The following AMER1 variants were observed in gnomAD, a reference collection of about 807,000 sequenced individuals.
The protein encoded by AMER1 is RP11-403E24.2.
In AMER1, 16 loss-of-function variants were observed where a neutral mutation model predicts 53.0. The ratio of observed to expected loss-of-function variants is 0.30; its 90% CI spans 0.20 to 0.46. The LOEUF (loss-of-function observed/expected upper bound fraction) is 0.46, where lower values mean the gene tolerates loss of function less well. AMER1 is among the 20% of genes least tolerant of loss of function. AMER1 has a pLI of 1.00. For synonymous variants in AMER1, 354 were observed against 331.9 expected (o/e 1.07, Z -0.73); for missense variants, 947 against 884.9 (o/e 1.07, Z -0.89).
rs1569191300 is a variant in AMER1, at chrX:64,190,148, T to C, written c.3139A>G (p.Arg1047Gly). 8.3e-7 allele frequency: 1 copy of C among 1,208,728 alleles called. No homozygotes were observed. The highest frequency in any genetic ancestry group is 3.0e-5 in the East Asian group (1 of 33,756). ...ACAGGCAGCAGCACATCTCGAGGCC[T>C]GGCCCTCATGCTCTGGGAGGCCTGT... is the stretch of plus-strand genomic sequence containing the variant. ...QPQASQSMRA[R>G]PRDVLLPVDE... Residue 1047 changes from arginine (R) to glycine (G), a missense_variant, in exon 2 of 2, where the codon AGG becomes GGG. By Grantham distance (125) the Arg-to-Gly change is moderately radical. Transcript: ENST00000374869.
In AMER1 at chrX:64,189,793, A is replaced by ACGGGGGCCCGCCC; in HGVS notation, c.*85_*86insGGGCGGGCCCCCG. On this transcript the variant is annotated 3_prime_UTR_variant, in exon 2 of 2. Transcript: ENST00000374869. ...CAAAGGGTTTTCAAGTTAAACAACA[A>ACGGGGGCCCGCCC]CCCCCACCCCCCCACCCTTCTGCCC... 3.4e-6 allele frequency: 1 copy of ACGGGGGCCCGCCC among 292,074 alleles called. No individual in the cohort carries two copies. The highest frequency in any genetic ancestry group is 4.9e-6 in the Non-Finnish European group (1 of 204,832). The allele number at this position is 292,074 out of a possible 1,213,427, so 24.1% of individuals were successfully genotyped here. A position where few individuals can be genotyped will look rare whatever the true frequency, so the allele number is the denominator to read the frequency against.
Position 64,188,903 on chromosome X carries a change from C to A in AMER1, c.*976G>T, listed in dbSNP as rs1930162547. ...CTTGTGATGAGATTATGAAAATTTC[C>A]TTTAGAGGAAAAAAGAACAAAAATT... On this transcript the variant is annotated 3_prime_UTR_variant, in exon 2 of 2. Coordinates refer to ENST00000374869, the MANE Select transcript of AMER1 (RefSeq NM_152424.4). 1.2e-6 allele frequency: 1 copy of A among 805,177 alleles called. No individual in the cohort carries two copies. Among genetic ancestry groups the A allele is most frequent in the Non-Finnish European group, 1.5e-6 (1 of 671,676 alleles). The allele number at this position is 805,177 out of a possible 1,213,427, so 66.4% of individuals were successfully genotyped here. A position where few individuals can be genotyped will look rare whatever the true frequency, so the allele number is the denominator to read the frequency against.
Position 64,186,262 on chromosome X carries a change from G to C in AMER1, c.*3617C>G. ...GAAAGAGGGAGGGCCCTAGGCAGTT[G>C]AGATGCCAGCCCTCTGCACAAGCAG... On this transcript the variant is annotated 3_prime_UTR_variant, in exon 2 of 2. Transcript: ENST00000374869. 1 of 1,126,014 alleles carries C rather than the reference G, an allele frequency of 8.9e-7. No individual in the cohort carries two copies. Among genetic ancestry groups the C allele is most frequent in the East Asian group, 3.1e-5 (1 of 31,763 alleles). The allele number at this position is 1,126,014 out of a possible 1,213,427, so 92.8% of individuals were successfully genotyped here.
At position 64,189,628 on chromosome X, in the gene AMER1, A is replaced by C. The variant is rs1930195083; in HGVS notation, c.*251T>G. On this transcript the variant is annotated 3_prime_UTR_variant, in exon 2 of 2. Coordinates refer to ENST00000374869, the MANE Select transcript of AMER1 (RefSeq NM_152424.4). ...CAAACCCAGCGTGGGTCACAAGAAG[A>C]AACCTCGAAAGCAAAAACTGGAGTG... The C allele has an allele frequency of 1.0e-6, 1 of 971,400 alleles. No individual in the cohort carries two copies. The highest frequency in any genetic ancestry group is 4.9e-5 in the Admixed American group (1 of 20,331). The allele number at this position is 971,400 out of a possible 1,213,427, so 80.1% of individuals were successfully genotyped here.
Position 64,188,547 on chromosome X carries a change from G to A in AMER1, c.*1332C>T. 2 of 804,103 alleles carry A rather than the reference G, an allele frequency of 2.5e-6. No homozygotes were observed. Among genetic ancestry groups the A allele is most frequent in the Non-Finnish European group, 3.0e-6 (2 of 669,972 alleles). 66.3% of individuals were successfully genotyped at this position (804,103 alleles called of 1,213,427 possible). On this transcript the variant is annotated 3_prime_UTR_variant, in exon 2 of 2. Transcript: ENST00000374869. The stretch of plus-strand genomic sequence containing the variant: ...GGACTCGGCTAATTGGAAGATAAAA[G>A]CTCTTTAAAGGGCCCAGAACAGCAG...
At chrX:64,201,706 G>A (rs1224656724) in intron 1 of AMER1, among the ~76,000 whole-genome samples, 2 of 112,292 alleles carry the variant, frequency 1.8e-5, no homozygotes, top group Non-Finnish European at 3.8e-5. Context: ...TAGCCTATCT[G>A]TTAAGCAAGG....
chrX:64,190,670 A>G lies in AMER1; in HGVS notation c.2617T>C (p.Leu873=), dbSNP rs1458489008. The change falls in exon 2 of 2, where the codon TTG becomes CTG. Residue 873 remains leucine (L), a synonymous_variant. Transcript: ENST00000374869. ...CGAGGGTGCAGGCCAGGCAGTCCCAAGTATCGAGGGAGGCTGCTCACACCC... is the reference window on the plus strand; with the variant it reads ...CGAGGGTGCAGGCCAGGCAGTCCCAGGTATCGAGGGAGGCTGCTCACACCC... The part of the protein sequence containing the change: ...PWGVSSLPRY[L]GLPGLHPRPP... 1.5e-5 allele frequency: 18 copies of G among 1,209,767 alleles called. No individual in the cohort carries two copies. The highest frequency in any genetic ancestry group is 2.2e-5 in the Admixed American group (1 of 45,785).
In AMER1 at chrX:64,188,680, T is replaced by A; in HGVS notation, c.*1199A>T. On this transcript the variant is annotated 3_prime_UTR_variant, in exon 2 of 2. Transcript: ENST00000374869. Reference sequence around the variant, plus strand: ...TAAGGAACATTTTGTGTTGGGAGGCTTGAGAAGGGAGTTTTCCCTTTTAAG... The same window carrying A: ...TAAGGAACATTTTGTGTTGGGAGGCATGAGAAGGGAGTTTTCCCTTTTAAG... The A allele has an allele frequency of 2.5e-6, 2 of 800,137 alleles. No homozygotes were observed. Among genetic ancestry groups the A allele is most frequent in the Non-Finnish European group, 3.0e-6 (2 of 667,457 alleles). The allele number at this position is 800,137 out of a possible 1,213,427, so 65.9% of individuals were successfully genotyped here.
rs143210136 is a variant in AMER1, at chrX:64,193,002, G to T, written c.285C>A (p.Thr95=). Residue 95 remains threonine (T), a synonymous_variant, in exon 2 of 2, where the codon ACC becomes ACA. Transcript: ENST00000374869. ...SSKKGLSKSK[T]HDGLSEAAHG... is the part of the protein sequence containing the mutation. ...GGGCTGCTTCACTCAGGCCATCGTG[G>T]GTCTTGCTCTTGCTGAGACCTTTCT... is the stretch of plus-strand genomic sequence containing the variant. 8.3e-7 allele frequency: 1 copy of T among 1,211,740 alleles called. No individual in the cohort carries two copies. The highest frequency in any genetic ancestry group is 3.0e-5 in the East Asian group (1 of 33,844).
rs1208697915 is a variant in AMER1 at position 64,189,533 on chromosome X, TATATA to T, written c.*341_*345del. 4.1e-5 allele frequency: 4 copies of T among 98,653 alleles called. No homozygotes were observed. Among genetic ancestry groups the T allele is most frequent in the African/African-American group, 2.3e-4 (2 of 8,749 alleles). The allele number at this position is 98,653 out of a possible 1,213,427, so 8.1% of individuals were successfully genotyped here. A position where few individuals can be genotyped will look rare whatever the true frequency, so the allele number is the denominator to read the frequency against. On this transcript the variant is annotated 3_prime_UTR_variant, in exon 2 of 2. Coordinates refer to ENST00000374869, the MANE Select transcript of AMER1 (RefSeq NM_152424.4). Reference sequence around the variant, plus strand: ...GTGTGTGTATATATATATATATATATATATATATATATATATATATATATAATCAC... The same window carrying T: ...GTGTGTGTATATATATATATATATATTATATATATATATATATATAATCAC...
chrX:64,194,190 T>C (rs892937256), intron 1 of AMER1, among the ~76,000 whole-genome samples: 2 of 111,552 alleles, frequency 1.8e-5, no homozygotes, highest in African/African-American at 3.3e-5. Flanking sequence ...GCTGGGAAGA[T>C]ACTTTAATGC....
chrX:64,201,448 AACACACACACACACAC>A (rs532857666), intron 1 of AMER1, among the ~76,000 whole-genome samples: 13 of 83,132 alleles, frequency 1.6e-4, no homozygotes, highest in Admixed American at 1.4e-3. Flanking sequence ...TCCTTCCCCC[AACACACACACACACAC>A]ACACACACAC....
intron 1 of AMER1, among the ~76,000 whole-genome samples, chrX:64,205,149 AC>A (rs1198895028): frequency 2.6e-5 from 3 of 113,758 alleles, no homozygotes; most frequent in African/African-American, 9.5e-5. Flanking sequence ...GGTGAGCGGT[AC>A]CCGCGTTACA....
At position 64,191,056 on chromosome X, in the gene AMER1, G is replaced by A. The variant is rs189503587; in HGVS notation, c.2231C>T (p.Ala744Val). Residue 744 changes from alanine to valine, a missense_variant, in exon 2 of 2, where the codon GCC becomes GTC. Physicochemically the swap from Ala to Val is moderately conservative, Grantham distance 64. Transcript: ENST00000374869. ...TTCAGGGGGTGAATAAGTAGGGTAG[G>A]CCCTCCTGGGAGATCCTCCAAAATT... ...EANFGGSPRR[A>V]YPTYSPPEDP... The A allele has an allele frequency of 1.7e-6, 2 of 1,210,580 alleles. No individual in the cohort carries two copies. Among genetic ancestry groups the A allele is most frequent in the African/African-American group, 1.7e-5 (1 of 57,411 alleles).
intron 1 of AMER1, among the ~76,000 whole-genome samples, chrX:64,194,971 A>G (rs1427217401): frequency 8.9e-6 from 1 of 112,174 alleles, no homozygotes; most frequent in African/African-American, 3.2e-5. Context: ...TTGGAGCAAG[A>G]TAACAGCTGG....
rs745716437 is a variant in AMER1, at chrX:64,198,215, G to C, written c.-98-4831C>G. Among the ~76,000 whole-genome samples, 76 of 112,336 alleles carry C rather than the reference G, an allele frequency of 6.8e-4. 1 individual carries two copies. The highest frequency in any genetic ancestry group is 5.5e-3 in the South Asian group (15 of 2,712). On this transcript the variant is annotated intron_variant, in intron 1 of 1. Transcript: ENST00000374869. ...TGGCTAGCAGCCAAGGATTATCTGG[G>C]ACTTTCAACTAGCCAGGTTCTCTAG... is the stretch of plus-strand genomic sequence containing the variant.
In AMER1 at chrX:64,186,272, C is replaced by G; in HGVS notation, c.*3607G>C. 9.2e-7 allele frequency: 1 copy of G among 1,084,882 alleles called. No individual in the cohort carries two copies. Among genetic ancestry groups the G allele is most frequent in the Middle Eastern group, 2.8e-4 (1 of 3,593 alleles). The allele number at this position is 1,084,882 out of a possible 1,213,427, so 89.4% of individuals were successfully genotyped here. A position where few individuals can be genotyped will look rare whatever the true frequency, so the allele number is the denominator to read the frequency against. On this transcript the variant is annotated 3_prime_UTR_variant, in exon 2 of 2. Transcript: ENST00000374869. Reference sequence around the variant, plus strand: ...GGGCCCTAGGCAGTTGAGATGCCAGCCCTCTGCACAAGCAGCAGCAATTTT... The same window carrying G: ...GGGCCCTAGGCAGTTGAGATGCCAGGCCTCTGCACAAGCAGCAGCAATTTT...
In AMER1 at chrX:64,186,147, G is replaced by A; in HGVS notation, c.*3732C>T. 1 of 1,210,623 alleles carries A rather than the reference G, an allele frequency of 8.3e-7. No homozygotes were observed. The highest frequency in any genetic ancestry group is 1.1e-6 in the Non-Finnish European group (1 of 894,812). The stretch of plus-strand genomic sequence containing the variant: ...AGGTCCCACACGCCTGAGTCACTTG[G>A]CGTTTGTCTTCAGTACCTGGGCATC... On this transcript the variant is annotated 3_prime_UTR_variant, in exon 2 of 2. Coordinates refer to ENST00000374869, the MANE Select transcript of AMER1 (RefSeq NM_152424.4).
In AMER1 at chrX:64,189,792, A is replaced by ATCGGGGG; in HGVS notation, c.*86_*87insCCCCCGA. 1 of 746,970 alleles carries ATCGGGGG rather than the reference A, an allele frequency of 1.3e-6. No individual in the cohort carries two copies. Among genetic ancestry groups the ATCGGGGG allele is most frequent in the Non-Finnish European group, 1.7e-6 (1 of 590,427 alleles). 61.6% of individuals were successfully genotyped at this position (746,970 alleles called of 1,213,427 possible). A position where few individuals can be genotyped will look rare whatever the true frequency, so the allele number is the denominator to read the frequency against. On this transcript the variant is annotated 3_prime_UTR_variant, in exon 2 of 2. Coordinates refer to ENST00000374869, the MANE Select transcript of AMER1 (RefSeq NM_152424.4). Reference sequence around the variant, plus strand: ...CCAAAGGGTTTTCAAGTTAAACAACAACCCCCACCCCCCCACCCTTCTGCC... The same window carrying ATCGGGGG: ...CCAAAGGGTTTTCAAGTTAAACAACATCGGGGGACCCCCACCCCCCCACCCTTCTGCC...
Sources: allele counts gnomAD v4.1 joint callset (sites outside exome capture counted in the v4.1 genomes callset), GRCh38; gene constraint gnomAD v4.1.1; transcripts MANE v1.5; gene names NCBI Gene and HGNC (gene_info 2026-07-23, HGNC 2026-07-21).